AFAP1: variants seen among roughly 807,000 people sequenced by gnomAD.
AFAP1 encodes the protein actin filament associated protein 1.
A neutral mutation model predicts 93.9 loss-of-function variants in AFAP1; 75 were observed. The ratio of observed to expected loss-of-function variants is 0.80; its 90% CI spans 0.66 to 0.97. The LOEUF is 0.97. AFAP1 is among the 50% of genes least tolerant of loss of function. The probability of loss-of-function intolerance (pLI) is 0.00; values close to 1 mark genes in which losing one functional copy is unlikely to be tolerated. For synonymous variants in AFAP1, 517 were observed against 430.7 expected (o/e 1.20, Z -2.48); for missense variants, 1,201 against 1,050.8 (o/e 1.14, Z -1.98).
chr4:7,892,600 T>A (rs117128721), intron 1 of AFAP1, among the ~76,000 whole-genome samples: 1 of 152,168 alleles, frequency 6.6e-6, no homozygotes, highest in Non-Finnish European at 1.5e-5. Flanking sequence ...ATTATATGCA[T>A]CTCTCAGCCA....
At chr4:7,926,776 G>C (rs139045487) in intron 1 of AFAP1, among the ~76,000 whole-genome samples, 14 of 151,918 alleles carry the variant, frequency 9.2e-5, no homozygotes, top group Admixed American at 2.6e-4. Flanking sequence ...TCCCTGTGTC[G>C]CCCAAGCTGG....
At position 7,768,928 on chromosome 4, in the gene AFAP1, C is replaced by A. The variant is rs754496360; in HGVS notation, c.2334G>T (p.Pro778=). 1.9e-6 allele frequency: 3 copies of A among 1,613,806 alleles called. No individual in the cohort carries two copies. In the South Asian group the frequency reaches 3.3e-5, roughly 18 times the overall value. ...CDTSDTEGPV[P]VNSAAVLKKS... is the part of the protein sequence containing the mutation. The stretch of plus-strand genomic sequence containing the variant: ...TCTTCAAGACGGCCGCGCTGTTCAC[C>A]GGCACGGGGCCCTCGGTGTCACTGG... The change falls in exon 17 of 18, where the codon CCG becomes CCT. Residue 778 remains proline (P), a synonymous_variant. Transcript: ENST00000420658.
At chr4:7,888,102 C>T (rs1450849067) in intron 1 of AFAP1, among the ~76,000 whole-genome samples, 1 of 152,264 alleles carries the variant, frequency 6.6e-6, no homozygotes, top group East Asian at 1.9e-4. Context: ...GCTGGGATTA[C>T]AGGCGTGAGC....
At chr4:7,922,759 G>C (rs1720507174) in intron 1 of AFAP1, among the ~76,000 whole-genome samples, 1 of 152,176 alleles carries the variant, frequency 6.6e-6, no homozygotes, top group South Asian at 2.1e-4. Context: ...TGAGGTGAGA[G>C]GACTGCTTGA....
chr4:7,765,619 G>C (rs1175331865), intron 17 of AFAP1, among the ~76,000 whole-genome samples: 1 of 152,226 alleles, frequency 6.6e-6, no homozygotes, highest in Non-Finnish European at 1.5e-5. Context: ...TTTGGCCATG[G>C]GATTGAGTTC....
intron 3 of AFAP1, among the ~76,000 whole-genome samples, chr4:7,863,333 T>C (rs1715964577): frequency 6.6e-6 from 1 of 152,026 alleles, no homozygotes; most frequent in Non-Finnish European, 1.5e-5. Context: ...GTGGGAAAAT[T>C]GCATGAACCA....
At chr4:7,770,746 C>G (rs922566679) in intron 16 of AFAP1, among the ~76,000 whole-genome samples, 2 of 152,138 alleles carry the variant, frequency 1.3e-5, no homozygotes, top group African/African-American at 4.8e-5. Flanking sequence ...CCCCTCCACT[C>G]AAACAGAACC....
At chr4:7,791,360 G>A (rs1464524450) in intron 11 of AFAP1, among the ~76,000 whole-genome samples, 1 of 152,110 alleles carries the variant, frequency 6.6e-6, no homozygotes, top group East Asian at 1.9e-4. Context: ...AAAGATGCTG[G>A]AGCTGCAAGT....
At chr4:7,883,220 G>T (rs1246536693) in intron 1 of AFAP1, among the ~76,000 whole-genome samples, 1 of 148,906 alleles carries the variant, frequency 6.7e-6, no homozygotes, top group Admixed American at 6.7e-5. Flanking sequence ...GGAGGAGGAG[G>T]AAAGACAGAA....
chr4:7,781,649 G>C (rs1288408926), intron 12 of AFAP1, 22 bp from the exon 13 acceptor site: 9 of 1,549,956 alleles, frequency 5.8e-6, no homozygotes, highest in Non-Finnish European at 7.9e-6. Context: ...ATAGCTTTGT[G>C]GTTAGTGACT....
chr4:7,885,482 C>A (rs1718093316), intron 1 of AFAP1, among the ~76,000 whole-genome samples: 2 of 152,210 alleles, frequency 1.3e-5, no homozygotes, highest in African/African-American at 4.8e-5. Flanking sequence ...CACCGCCTCT[C>A]TCCCGCTATG....
chr4:7,879,798 T>C (rs1016836149), intron 1 of AFAP1, among the ~76,000 whole-genome samples: 14 of 149,682 alleles, frequency 9.4e-5, no homozygotes, highest in African/African-American at 3.4e-4. Flanking sequence ...CCCAAACAGC[T>C]GGGACTGCAG....
Position 7,915,383 on chromosome 4 carries a change from G to A in AFAP1, c.-3+24273C>T, listed in dbSNP as rs181991607. ...AGAAACGTCTGTTCGGTTGGGTGTG[G>A]TGACTCCAACCTGTAAGCCCAGGTA... On this transcript the variant is annotated intron_variant, in intron 1 of 17. Transcript: ENST00000420658. Among the ~76,000 whole-genome samples, 5 of 145,032 alleles carry A rather than the reference G, an allele frequency of 3.4e-5. No individual in the cohort carries two copies. In the Admixed American group the frequency reaches 3.5e-4, roughly 10 times the overall value.
At chr4:7,847,020 T>C (rs1577287956) in intron 4 of AFAP1, among the ~76,000 whole-genome samples, 1 of 152,228 alleles carries the variant, frequency 6.6e-6, no homozygotes. Flanking sequence ...ACAATTAAGT[T>C]CATTGTCTTG....
At chr4:7,840,534 G>A (rs916162616) in intron 5 of AFAP1, among the ~76,000 whole-genome samples, 22 of 152,000 alleles carry the variant, frequency 1.4e-4, no homozygotes, top group African/African-American at 4.1e-4. Flanking sequence ...GGCTGGTCTC[G>A]AACTCCTGAC....
At chr4:7,931,325 G>A (rs549034486) in intron 1 of AFAP1, among the ~76,000 whole-genome samples, 1 of 152,304 alleles carries the variant, frequency 6.6e-6, no homozygotes, top group South Asian at 2.1e-4. Flanking sequence ...TGCTAAAAAT[G>A]AGTATTTAAT....
intron 2 of AFAP1, 108 bp from the exon 3 acceptor site, chr4:7,868,827 T>G: frequency 1.1e-6 from 1 of 933,202 alleles, no homozygotes; most frequent in Non-Finnish European, 1.6e-6. Context: ...TGCAAATATT[T>G]ATTTTCTCTA....
intron 1 of AFAP1, among the ~76,000 whole-genome samples, chr4:7,899,320 A>T (rs1395097946): frequency 6.6e-6 from 1 of 152,200 alleles, no homozygotes. Flanking sequence ...CCTGGAGCCT[A>T]GCAAGTTCCT....
chr4:7,825,267 C>T (rs1721322007), intron 6 of AFAP1, among the ~76,000 whole-genome samples: 2 of 152,286 alleles, frequency 1.3e-5, no homozygotes, highest in South Asian at 4.2e-4. Context: ...CCGACTCTCA[C>T]CCACCTTTCC....
Sources: allele counts gnomAD v4.1 joint callset (sites outside exome capture counted in the v4.1 genomes callset), GRCh38; gene constraint gnomAD v4.1.1; transcripts MANE v1.5; gene names NCBI Gene and HGNC (gene_info 2026-07-23, HGNC 2026-07-21).